Variants in CNTN1 observed in about 807,000 individuals in gnomAD.
CNTN1 encodes the protein contactin 1, also known as contactin-1.
In CNTN1, 38 loss-of-function variants were observed where a neutral mutation model predicts 126.4. The ratio of observed to expected loss-of-function variants is 0.30; its 90% CI spans 0.23 to 0.39. CNTN1 has a LOEUF of 0.39. Ranked by LOEUF, CNTN1 falls within the 10% of genes least tolerant of loss-of-function variation. The probability of loss-of-function intolerance (pLI) is 1.00; values close to 1 mark genes in which losing one functional copy is unlikely to be tolerated. For synonymous variants in CNTN1, 413 were observed against 422.6 expected (o/e 0.98, Z 0.28); for missense variants, 1,009 against 1,248.4 (o/e 0.81, Z 2.89).
At chr12:40,946,162 C>T (rs75653119) in intron 14 of CNTN1, among the ~76,000 whole-genome samples, 79 of 152,248 alleles carry the variant, frequency 5.2e-4, no homozygotes, top group African/African-American at 1.8e-3. Context: ...ATCCCTGGCA[C>T]CTTCCTTCTC....
chr12:40,884,836 A>G (rs1289932639), intron 1 of CNTN1, among the ~76,000 whole-genome samples: 2 of 151,400 alleles, frequency 1.3e-5, no homozygotes, highest in African/African-American at 4.8e-5. Flanking sequence ...CCCAATTTAC[A>G]TTTTGCCCTT....
intron 13 of CNTN1, 65 bp downstream of exon 13, chr12:40,943,789 T>C (rs1454486065): frequency 1.3e-6 from 2 of 1,558,940 alleles, no homozygotes; most frequent in South Asian, 2.2e-5. Flanking sequence ...GCACTAAGCA[T>C]CTAAACAGTC....
intron 1 of CNTN1, among the ~76,000 whole-genome samples, chr12:40,777,834 T>C (rs1338156167): frequency 6.6e-6 from 1 of 151,742 alleles, no homozygotes; most frequent in Non-Finnish European, 1.5e-5. Context: ...ACCTATGGCA[T>C]GATTAATAAC....
At chr12:41,026,153 G>A (rs1026619224) in intron 21 of CNTN1, among the ~76,000 whole-genome samples, 34 of 152,152 alleles carry the variant, frequency 2.2e-4, no homozygotes, top group African/African-American at 7.5e-4. Context: ...TTTCTAATTT[G>A]TAAAAGGAGC....
intron 23 of CNTN1, among the ~76,000 whole-genome samples, chr12:41,047,312 A>G (rs1443053361): frequency 1.3e-5 from 2 of 151,800 alleles, no homozygotes; most frequent in Non-Finnish European, 1.5e-5. Flanking sequence ...TCCCTCTAAA[A>G]CTCACCATCA....
At chr12:40,809,325 A>G (rs996685414) in intron 1 of CNTN1, among the ~76,000 whole-genome samples, 3 of 152,210 alleles carry the variant, frequency 2.0e-5, no homozygotes, top group Non-Finnish European at 4.4e-5. Flanking sequence ...ACCTTATGCA[A>G]TAACTCCACA....
At chr12:41,012,456 A>G (rs1328848051) in intron 17 of CNTN1, among the ~76,000 whole-genome samples, 1 of 152,212 alleles carries the variant, frequency 6.6e-6, no homozygotes. Flanking sequence ...ATGATAGGAA[A>G]GTTGGAGATC....
At position 41,006,206 on chromosome 12, in the gene CNTN1, A is replaced by G. The variant is rs182763968; in HGVS notation, c.2114-8022A>G. On this transcript the variant is annotated intron_variant, in intron 17 of 23. Coordinates refer to ENST00000551295, the MANE Select transcript of CNTN1 (RefSeq NM_001843.4). ...CCAACATTCACCTCCCAATTCCTGG[A>G]CTGCATGCTATAACTCTGGGGGACT... is the stretch of plus-strand genomic sequence containing the variant. Among the ~76,000 whole-genome samples the G allele has an allele frequency of 3.5e-3, 530 of 152,264 alleles. 2 individuals are homozygous for G. Among genetic ancestry groups the G allele is most frequent in the African/African-American group, 0.012 (494 of 41,558 alleles).
chr12:40,799,138 A>G (rs948809382), intron 1 of CNTN1, among the ~76,000 whole-genome samples: 1 of 151,506 alleles, frequency 6.6e-6, no homozygotes, highest in Non-Finnish European at 1.5e-5. Flanking sequence ...GGAAAATACC[A>G]GTCACAAATA....
chr12:41,023,265 C>G (rs1948965902), intron 20 of CNTN1, among the ~76,000 whole-genome samples: 1 of 152,136 alleles, frequency 6.6e-6, no homozygotes, highest in Admixed American at 6.6e-5. Context: ...TGATTGACAC[C>G]ATCTCAAGGT....
chr12:40,919,331 A>T (rs1349859047), intron 4 of CNTN1, among the ~76,000 whole-genome samples: 1 of 152,152 alleles, frequency 6.6e-6, no homozygotes, highest in South Asian at 2.1e-4. Context: ...TGGGTTACAT[A>T]TGTATGCTAT....
At chr12:40,715,157 A>G (rs973126388) in intron 1 of CNTN1, among the ~76,000 whole-genome samples, 2 of 152,162 alleles carry the variant, frequency 1.3e-5, no homozygotes, top group East Asian at 3.8e-4. Context: ...TTGTTAAAAC[A>G]GATTCCTTGA....
chr12:41,026,654 G>A (rs1455170527), intron 21 of CNTN1, among the ~76,000 whole-genome samples: 1 of 152,140 alleles, frequency 6.6e-6, no homozygotes, highest in Non-Finnish European at 1.5e-5. Flanking sequence ...GTAAGGAGGG[G>A]GAAGTGTTCT....
At chr12:40,819,481 G>T (rs888265419) in intron 1 of CNTN1, among the ~76,000 whole-genome samples, 11 of 152,188 alleles carry the variant, frequency 7.2e-5, no homozygotes, top group African/African-American at 2.7e-4. Context: ...CAGCAAGTGT[G>T]CTGTGCTGTG....
chr12:40,711,364 T>G (rs1941908712), intron 1 of CNTN1, among the ~76,000 whole-genome samples: 1 of 152,178 alleles, frequency 6.6e-6, no homozygotes, highest in Non-Finnish European at 1.5e-5. Flanking sequence ...CCCAATTTAT[T>G]GTAGAGAAAA....
rs140567176 is a variant in CNTN1 at position 40,988,315 on chromosome 12, T to A, written c.1964-4805T>A. Reference sequence around the variant, plus strand: ...ACTTACAAATATTTGGGTTTTAGATTGAAATGGGGGACATCAAAGATTCTG... The same window carrying A: ...ACTTACAAATATTTGGGTTTTAGATAGAAATGGGGGACATCAAAGATTCTG... On this transcript the variant is annotated intron_variant, in intron 16 of 23. Coordinates refer to ENST00000551295, the MANE Select transcript of CNTN1 (RefSeq NM_001843.4). 3.0e-4 allele frequency among the ~76,000 whole-genome samples: 45 copies of A among 152,286 alleles called. No homozygotes were observed. In the East Asian group the frequency reaches 8.7e-3, roughly 29 times the overall value.
intron 16 of CNTN1, among the ~76,000 whole-genome samples, chr12:40,991,230 T>G (rs1448510362): frequency 6.6e-6 from 1 of 152,148 alleles, no homozygotes; most frequent in African/African-American, 2.4e-5. Context: ...ATATCTACCT[T>G]GGTGGTCTCA....
At chr12:40,916,115 T>C (rs566571601) in intron 3 of CNTN1, among the ~76,000 whole-genome samples, 2 of 152,286 alleles carry the variant, frequency 1.3e-5, no homozygotes, top group African/African-American at 4.8e-5. Flanking sequence ...GTTTTCTAAA[T>C]ATTTATGAAC....
rs148387796 is a variant in CNTN1, at chr12:40,924,536, CT to C, written c.401-14del. ...TATTGACCAGAGAGTGAATGTTTCT[CT>C]TTTTTTCTTTCGTAATTAGATCTTG... On this transcript the variant is annotated intron_variant, in intron 5 of 23. Transcript: ENST00000551295. 5,293 of 1,325,184 alleles carry C rather than the reference CT, an allele frequency of 4.0e-3. 14 individuals are homozygous for C. Among genetic ancestry groups the C allele is most frequent in the Non-Finnish European group, 5.2e-3 (4,807 of 920,578 alleles). The allele number at this position is 1,325,184 out of a possible 1,614,324, so 82.1% of individuals were successfully genotyped here.
Sources: gnomAD v4.1 joint callset for allele counts (sites outside exome capture counted in the v4.1 genomes callset) on GRCh38, gnomAD v4.1.1 for gene constraint, MANE v1.5 for transcripts, NCBI Gene and HGNC (gene_info 2026-07-23, HGNC 2026-07-21) for gene names.